Variants in SHLD2 observed in about 807,000 individuals in gnomAD.
SHLD2 encodes shieldin complex subunit 2, also known as RINN1-REV7-interacting novel NHEJ regulator 2.
In SHLD2, 30 loss-of-function variants were observed where a neutral mutation model predicts 73.2. The observed-to-expected ratio is 0.41, with a 90% confidence interval of 0.31 to 0.56. The LOEUF (loss-of-function observed/expected upper bound fraction) is 0.56, where lower values mean the gene tolerates loss of function less well. SHLD2 is among the 20% of genes least tolerant of loss of function. The pLI is 0.28. For missense variants in SHLD2, 745 were observed against 1,055.9 expected (o/e 0.71, Z 4.08); for synonymous variants, 285 against 370.1 (o/e 0.77, Z 2.64).
intron 2 of SHLD2, among the ~76,000 whole-genome samples, chr10:87,108,717 C>T (rs1198431777): frequency 6.6e-6 from 1 of 152,208 alleles, no homozygotes; most frequent in Non-Finnish European, 1.5e-5. Flanking sequence ...TAGCTTCTGG[C>T]TTAACTAAAT....
At position 87,117,806 on chromosome 10, in the gene SHLD2, A is replaced by G. The variant is rs576284288; in HGVS notation, c.-6+20817A>G. Among the ~76,000 whole-genome samples the G allele has an allele frequency of 2.6e-5, 4 of 152,268 alleles. No individual in the cohort carries two copies. The East Asian group carries it at 7.7e-4, about 29-fold the overall frequency. ...GGAAACCCTGTCTCAAAAAACCCCA[A>G]AAAACAAAAAACAGCATTTTATTTT... On this transcript the variant is annotated intron_variant, in intron 2 of 9. Transcript: ENST00000298786.
In SHLD2 at chr10:87,152,105, G is replaced by A. The variant is rs188107594; in HGVS notation, c.751G>A (p.Val251Ile). The change falls in exon 3 of 10, where the codon GTT (valine) becomes ATT (isoleucine). Residue 251 changes from valine (V) to isoleucine (I), a missense_variant. Around this residue, in one of 5 missense-constraint regions of SHLD2, gnomAD observed 280 missense variants for 353.9 expected, o/e 0.79. Transcript: ENST00000298786. ...EFLSIITSSQ[V>I]AFLAQKKDKR... ...TCTCAGTATAATTACCTCCAGCCAG[G>A]TTGCTTTTTTAGCTCAAAAGAAAGA... The A allele has an allele frequency of 7.5e-4, 1,213 of 1,611,938 alleles. 11 individuals are homozygous for A. Among genetic ancestry groups the A allele is most frequent in the Non-Finnish European group, 6.0e-5 (71 of 1,179,834 alleles).
At chr10:87,166,977 G>A (rs1027264093) in intron 4 of SHLD2, among the ~76,000 whole-genome samples, 2 of 151,946 alleles carry the variant, frequency 1.3e-5, no homozygotes, top group Non-Finnish European at 2.9e-5. Flanking sequence ...GTGTGTGTGT[G>A]TGTGTATAAA....
chr10:87,152,717 A>G lies in SHLD2; in HGVS notation c.1363A>G (p.Lys455Glu). The G allele has an allele frequency of 6.2e-7, 1 of 1,611,762 alleles. No individual in the cohort carries two copies. The highest frequency in any genetic ancestry group is 8.5e-7 in the Non-Finnish European group (1 of 1,179,810). The change falls in exon 3 of 10, where the codon AAG (lysine) becomes GAG (glutamate). Residue 455 changes from lysine (K) to glutamate (E), a missense_variant. Physicochemically the swap from Lys to Glu is moderately conservative, Grantham distance 56. Transcript: ENST00000298786. Reference sequence around the variant, plus strand: ...CATGGTGCTATCTCCATGCCATGTGAAGGAAATAAACATAAAATTCGGACC... The same window carrying G: ...CATGGTGCTATCTCCATGCCATGTGGAGGAAATAAACATAAAATTCGGACC... ...LVMVLSPCHV[K>E]EINIKFGPNS...
intron 6 of SHLD2, among the ~76,000 whole-genome samples, chr10:87,175,114 CT>C (rs1317396184): frequency 1.2e-4 from 6 of 50,248 alleles, no homozygotes; most frequent in Non-Finnish European, 2.2e-4. Flanking sequence ...GAGACTCCAT[CT>C]CAAAAAAAAA....
At chr10:87,120,775 C>T (rs1272062775) in intron 2 of SHLD2, among the ~76,000 whole-genome samples, 10 of 151,858 alleles carry the variant, frequency 6.6e-5, no homozygotes, top group Middle Eastern at 3.4e-3. Context: ...TGTTTTAGGC[C>T]GGGTGCGGTG....
At chr10:87,139,145 G>C (rs1017655993) in intron 2 of SHLD2, among the ~76,000 whole-genome samples, 1 of 152,104 alleles carries the variant, frequency 6.6e-6, no homozygotes, top group Non-Finnish European at 1.5e-5. Context: ...GCTGGGAATA[G>C]TTTATGTTTC....
At chr10:87,125,907 A>G (rs956890217) in intron 2 of SHLD2, among the ~76,000 whole-genome samples, 14 of 152,174 alleles carry the variant, frequency 9.2e-5, no homozygotes, top group Middle Eastern at 3.2e-3. Flanking sequence ...AGCCTGGGCT[A>G]CAAGAGTGAG....
chr10:87,158,576 A>C (rs1296287796), intron 4 of SHLD2, among the ~76,000 whole-genome samples: 1 of 152,114 alleles, frequency 6.6e-6, no homozygotes. Flanking sequence ...CCTTGAGGTA[A>C]TAAAAATGTA....
intron 8 of SHLD2, among the ~76,000 whole-genome samples, chr10:87,185,265 A>C (rs1038507290): frequency 1.3e-5 from 2 of 152,180 alleles, no homozygotes; most frequent in African/African-American, 4.8e-5. Flanking sequence ...TTATTGCAAA[A>C]TAATATTGTA....
At chr10:87,156,546 G>C (rs1199236895) in intron 3 of SHLD2, among the ~76,000 whole-genome samples, 1 of 152,132 alleles carries the variant, frequency 6.6e-6, no homozygotes, top group African/African-American at 2.4e-5. Context: ...GGAAACAACA[G>C]TGTTTAAAGG....
chr10:87,112,631 T>A (rs1842999997), intron 2 of SHLD2, among the ~76,000 whole-genome samples: 1 of 150,784 alleles, frequency 6.6e-6, no homozygotes, highest in Admixed American at 6.6e-5. Flanking sequence ...CAAGACCCTG[T>A]CTCTAAAATA....
intron 9 of SHLD2, among the ~76,000 whole-genome samples, chr10:87,188,330 C>T (rs532243630): frequency 1.3e-5 from 2 of 152,230 alleles, no homozygotes; most frequent in African/African-American, 4.8e-5. Flanking sequence ...TTTCAGTCCT[C>T]CCCCAGGATG....
intron 2 of SHLD2, among the ~76,000 whole-genome samples, chr10:87,120,153 G>C (rs1485569184): frequency 6.6e-6 from 1 of 151,980 alleles, no homozygotes; most frequent in Non-Finnish European, 1.5e-5. Context: ...GTTTGTCTAC[G>C]TTTCAGTTTC....
In SHLD2 at chr10:87,129,591, T is replaced by A. The variant is rs570757824; in HGVS notation, c.-5-21759T>A. Among the ~76,000 whole-genome samples the A allele has an allele frequency of 2.6e-5, 4 of 152,342 alleles. No homozygotes were observed. In the East Asian group the frequency reaches 7.7e-4, roughly 29 times the overall value. On this transcript the variant is annotated intron_variant, in intron 2 of 9. Transcript: ENST00000298786. The stretch of plus-strand genomic sequence containing the variant: ...TTGATTCCTTATTCTTTCTGATAAA[T>A]TTTCCTAAGTTTAATTTCCAAGGGC...
intron 2 of SHLD2, among the ~76,000 whole-genome samples, chr10:87,123,122 A>C (rs1012191584): frequency 1.1e-4 from 16 of 152,142 alleles, no homozygotes; most frequent in African/African-American, 3.6e-4. Context: ...CATGTTGGCT[A>C]GGCTGGTCTC....
chr10:87,181,150 G>C (rs1259425552), intron 8 of SHLD2, among the ~76,000 whole-genome samples: 1 of 151,510 alleles, frequency 6.6e-6, no homozygotes, highest in Non-Finnish European at 1.5e-5. Context: ...GGAGGCCGGG[G>C]TGGGGGGATC....
At chr10:87,120,258 A>ATTT (rs1026313828) in intron 2 of SHLD2, among the ~76,000 whole-genome samples, 17 of 148,798 alleles carry the variant, frequency 1.1e-4, no homozygotes, top group African/African-American at 3.8e-4. Context: ...TTATTTATTT[A>ATTT]TTTTTTTGAG....
intron 4 of SHLD2, among the ~76,000 whole-genome samples, chr10:87,166,348 T>TGTAGA (rs1847199532): frequency 1.5e-5 from 1 of 68,422 alleles, no homozygotes; most frequent in Non-Finnish European, 3.6e-5. Flanking sequence ...CAATCACATT[T>TGTAGA]CTAGAGTGAC....
Sources: gnomAD v4.1 joint callset for allele counts (sites outside exome capture counted in the v4.1 genomes callset) on GRCh38, gnomAD v4.1.1 for gene constraint, gnomAD v4.1.1 regional missense constraint, MANE v1.5 for transcripts, NCBI Gene and HGNC (gene_info 2026-07-23, HGNC 2026-07-21) for gene names.